Variants in NR4A3 observed in about 807,000 individuals in gnomAD.
The protein encoded by NR4A3 is nuclear receptor subfamily 4 group A member 3.
In NR4A3, 13 loss-of-function variants were observed where a neutral mutation model predicts 55.6. That is an observed-to-expected ratio of 0.23 (90% CI 0.15 to 0.37). NR4A3 has a LOEUF of 0.37. NR4A3 is among the 10% of genes least tolerant of loss of function. The pLI is 1.00. For missense variants in NR4A3, 646 were observed against 822.8 expected (o/e 0.79, Z 2.63); for synonymous variants, 342 against 357.9 (o/e 0.96, Z 0.50).
intron 7 of NR4A3, among the ~76,000 whole-genome samples, chr9:99,851,767 G>GT (rs1827853473): frequency 6.6e-6 from 1 of 152,202 alleles, no homozygotes; most frequent in African/African-American, 2.4e-5. Context: ...AGTAATGCAA[G>GT]TGCTTTGAAT....
At position 99,828,760 on chromosome 9, in the gene NR4A3, A is replaced by G. The variant is rs12344570; in HGVS notation, c.718A>G (p.Ser240Gly). 0.46 allele frequency: 641,065 copies of G among 1,391,300 alleles called. 151,490 individuals are homozygous for G. Among genetic ancestry groups the G allele is most frequent in the Non-Finnish European group, 0.48 (518,047 of 1,072,442 alleles). The allele number at this position is 1,391,300 out of a possible 1,614,324, so 86.2% of individuals were successfully genotyped here. A position where few individuals can be genotyped will look rare whatever the true frequency, so the allele number is the denominator to read the frequency against. ...GGGCAGCCAGGCCGCCGCGCTTGAG[A>G]GCCACCCGTACGGGCTGCCGCTGGC... ...AAGSQAAALE[S>G]HPYGLPLAKR... The change falls in exon 3 of 8, where the codon AGC (serine) becomes GGC (glycine). Residue 240 changes from serine to glycine, a missense_variant. Physicochemically the swap from Ser to Gly is moderately conservative, Grantham distance 56. This residue lies in a region of NR4A3 where 426 missense variants were observed against 429.4 expected (regional missense o/e 0.99). Coordinates refer to ENST00000395097, the MANE Select transcript of NR4A3 (RefSeq NM_006981.4). This position sits in a 1 kb window ranked among gnomAD's most constrained non-coding sequence, Gnocchi z 7.7.
chr9:99,826,735 C>T, intron 2 of NR4A3: 1 of 1,609,916 alleles, frequency 6.2e-7, no homozygotes, highest in African/African-American at 1.3e-5. Flanking sequence ...AACAGGCCCT[C>T]ATCACCTTTT....
chr9:99,835,032 C>A, intron 5 of NR4A3: 1 of 485,172 alleles, frequency 2.1e-6, no homozygotes, highest in Non-Finnish European at 2.7e-6. Flanking sequence ...ACTGATTACA[C>A]CCTTTGATGC....
At chr9:99,827,127 C>G (rs931086865) in intron 2 of NR4A3, among the ~76,000 whole-genome samples, 2 of 152,092 alleles carry the variant, frequency 1.3e-5, no homozygotes, top group Non-Finnish European at 2.9e-5. Context: ...TGAGAAACTG[C>G]TTTTTTTCAT....
At chr9:99,824,399 C>A (rs1014931022) in intron 1 of NR4A3, among the ~76,000 whole-genome samples, 1 of 152,196 alleles carries the variant, frequency 6.6e-6, no homozygotes, top group African/African-American at 2.4e-5. Flanking sequence ...TTGCTGGAGA[C>A]CCCCATTGAA....
Position 99,864,032 on chromosome 9 carries a change from C to T in NR4A3, c.*165C>T, listed in dbSNP as rs934954139. 9 of 786,032 alleles carry T rather than the reference C, an allele frequency of 1.1e-5. No individual in the cohort carries two copies. In the East Asian group the frequency reaches 2.2e-4, roughly 19 times the overall value. The allele number at this position is 786,032 out of a possible 1,614,324, so 48.7% of individuals were successfully genotyped here. A position where few individuals can be genotyped will look rare whatever the true frequency, so the allele number is the denominator to read the frequency against. Reference sequence around the variant, plus strand: ...TTTTTTCTGGCTCTTTTCCTTACAACCTAAAGCCAGAAAACTTGCAGAGTA... The same window carrying T: ...TTTTTTCTGGCTCTTTTCCTTACAATCTAAAGCCAGAAAACTTGCAGAGTA... On this transcript the variant is annotated 3_prime_UTR_variant, in exon 8 of 8. Coordinates refer to ENST00000395097, the MANE Select transcript of NR4A3 (RefSeq NM_006981.4).
chr9:99,822,397 A>G lies in NR4A3; in HGVS notation c.-187A>G, dbSNP rs1827197286. Reference sequence around the variant, plus strand: ...AACTCGCTCTAAAGACGGAACCGCCACAGCACTCAAGTACGTATGAGATTC... The same window carrying G: ...AACTCGCTCTAAAGACGGAACCGCCGCAGCACTCAAGTACGTATGAGATTC... On this transcript the variant is annotated 5_prime_UTR_variant, in exon 1 of 8. Transcript: ENST00000395097. The surrounding 1 kb of genome is among the most constrained non-coding windows in gnomAD (Gnocchi z 4.9). 6.6e-6 allele frequency: 1 copy of G among 152,304 alleles called. No homozygotes were observed. Among genetic ancestry groups the G allele is most frequent in the African/African-American group, 2.4e-5 (1 of 41,448 alleles). The allele number at this position is 152,304 out of a possible 1,614,324, so 9.4% of individuals were successfully genotyped here.
intron 5 of NR4A3, among the ~76,000 whole-genome samples, chr9:99,836,117 A>T (rs1827555467): frequency 6.6e-6 from 1 of 152,340 alleles, no homozygotes; most frequent in South Asian, 2.1e-4. Context: ...GCATAAAAGC[A>T]TGCTGATCAC....
chr9:99,844,978 G>C, intron 6 of NR4A3, 130 bp downstream of exon 6: 1 of 762,744 alleles, frequency 1.3e-6, no homozygotes. Context: ...GCACTAAAAA[G>C]ACTGAGCAGC....
rs1222369328 is a variant in NR4A3, at chr9:99,825,542, T to C, written c.-176-117T>C. On this transcript the variant is annotated intron_variant, in intron 1 of 7. Transcript: ENST00000395097. This position sits in a 1 kb window ranked among gnomAD's most constrained non-coding sequence, Gnocchi z 5.0. The stretch of plus-strand genomic sequence containing the variant: ...TTTTACGATAATTCTTTGTAATTAA[T>C]GTAACATTTCTAGAGGTTGCCAACC... The C allele has an allele frequency of 6.6e-6, 1 of 152,632 alleles. No individual in the cohort carries two copies. The highest frequency in any genetic ancestry group is 2.4e-5 in the African/African-American group (1 of 41,448). The allele number at this position is 152,632 out of a possible 1,614,324, so 9.5% of individuals were successfully genotyped here. A position where few individuals can be genotyped will look rare whatever the true frequency, so the allele number is the denominator to read the frequency against.
chr9:99,833,605 C>G, intron 5 of NR4A3, 151 bp downstream of exon 5: 1 of 1,600,186 alleles, frequency 6.2e-7, no homozygotes, highest in Non-Finnish European at 8.5e-7. Context: ...TTTAGCAATT[C>G]AGTGCATCCA....
At position 99,844,333 on chromosome 9, in the gene NR4A3, G is replaced by A. The variant is rs147855776; in HGVS notation, c.1255-316G>A. Among the ~76,000 whole-genome samples, 16 of 152,288 alleles carry A rather than the reference G, an allele frequency of 1.1e-4. No homozygotes were observed. In the East Asian group the frequency reaches 2.7e-3, roughly 26 times the overall value. On this transcript the variant is annotated intron_variant, in intron 5 of 7. Transcript: ENST00000395097. ...ACCAATTAAATGAGAATCTCTAGGC[G>A]CAGGACCCAGACAAGAGTTGTTTCT... is the stretch of plus-strand genomic sequence containing the variant.
chr9:99,847,839 CAGTA>C (rs1827781434), intron 7 of NR4A3, among the ~76,000 whole-genome samples: 1 of 152,224 alleles, frequency 6.6e-6, no homozygotes. Flanking sequence ...TTATCATTGT[CAGTA>C]AGCCCAATAT....
intron 5 of NR4A3, chr9:99,833,950 G>A (rs1014778654): frequency 5.1e-6 from 6 of 1,167,858 alleles, no homozygotes; most frequent in Non-Finnish European, 1.1e-6. Context: ...CAGTTGTCAG[G>A]AGAACTGGGA....
At chr9:99,847,367 TG>T in intron 6 of NR4A3, 69 bp from the exon 7 acceptor site, 2 of 1,447,678 alleles carry the variant, frequency 1.4e-6, no homozygotes, top group Non-Finnish European at 1.9e-6. Flanking sequence ...TGTGCCTGTG[TG>T]TCATAATGTT....
intron 7 of NR4A3, among the ~76,000 whole-genome samples, chr9:99,862,900 G>C (rs1472568228): frequency 6.6e-6 from 1 of 152,062 alleles, no homozygotes; most frequent in Non-Finnish European, 1.5e-5. Flanking sequence ...CTTCTCTTTG[G>C]CTTTTCCATC....
chr9:99,859,276 A>C (rs973848085), intron 7 of NR4A3, among the ~76,000 whole-genome samples: 1 of 152,202 alleles, frequency 6.6e-6, no homozygotes. Flanking sequence ...TCTGTATATT[A>C]GCTCCGTAGC....
At chr9:99,853,519 C>T (rs1236002280) in intron 7 of NR4A3, among the ~76,000 whole-genome samples, 1 of 88,778 alleles carries the variant, frequency 1.1e-5, no homozygotes, top group African/African-American at 4.4e-5. Context: ...TGATATTCCC[C>T]TTCCTGTGTC....
At chr9:99,829,688 TCTTTCCATAGAAGATAGAA>T (rs1301010402) in intron 3 of NR4A3, among the ~76,000 whole-genome samples, 7 of 152,142 alleles carry the variant, frequency 4.6e-5, no homozygotes, top group African/African-American at 7.2e-5. Context: ...AAGAGCTGCC[TCTTTCCATAGAAGATAGAA>T]CTTGGGGTCT....
Sources: gnomAD v4.1 joint callset for allele counts (sites outside exome capture counted in the v4.1 genomes callset) on GRCh38, gnomAD v4.1.1 for gene constraint, gnomAD v4.1.1 regional missense constraint, Gnocchi (gnomAD v3.1) non-coding constraint, MANE v1.5 for transcripts, NCBI Gene and HGNC (gene_info 2026-07-23, HGNC 2026-07-21) for gene names.